The following KIAA0319 variants were observed in gnomAD, a reference collection of about 807,000 sequenced individuals.
The protein encoded by KIAA0319 is KIAA0319, also known as dyslexia-associated protein KIAA0319.
In KIAA0319, 83 loss-of-function variants were observed where a neutral mutation model predicts 108.4. The observed-to-expected ratio is 0.77, with a 90% CI of 0.64 to 0.92. The LOEUF (loss-of-function observed/expected upper bound fraction) is 0.92, where lower values mean the gene tolerates loss of function less well. Among genes scored for constraint, KIAA0319 ranks in the 40% least tolerant of loss-of-function variants. The pLI is 0.00. For synonymous variants in KIAA0319, 484 were observed against 510.4 expected (o/e 0.95, Z 0.70); for missense variants, 1,195 against 1,322.4 (o/e 0.90, Z 1.49).
intron 20 of KIAA0319, among the ~76,000 whole-genome samples, chr6:24,549,692 G>A (rs1329918391): frequency 6.6e-6 from 1 of 152,148 alleles, no homozygotes; most frequent in Non-Finnish European, 1.5e-5. Flanking sequence ...GTACCGCTAT[G>A]GGCAGGATTA....
At position 24,630,024 on chromosome 6, in the gene KIAA0319, C is replaced by T. The variant is rs938405213; in HGVS notation, c.-106+15712G>A. Reference sequence around the variant, plus strand: ...CGAAACCCCATCTCTACTAAAAATACAAAAATTAGCCGGGCATGGTGGCGC... The same window carrying T: ...CGAAACCCCATCTCTACTAAAAATATAAAAATTAGCCGGGCATGGTGGCGC... On this transcript the variant is annotated intron_variant, in intron 1 of 20. Coordinates refer to ENST00000378214, the MANE Select transcript of KIAA0319 (RefSeq NM_014809.4). 2.6e-5 allele frequency among the ~76,000 whole-genome samples: 4 copies of T among 151,966 alleles called. No homozygotes were observed. In the East Asian group the frequency reaches 7.7e-4, roughly 29 times the overall value.
intron 1 of KIAA0319, among the ~76,000 whole-genome samples, chr6:24,627,682 C>T (rs2127580435): frequency 6.6e-6 from 1 of 152,322 alleles, no homozygotes; most frequent in South Asian, 2.1e-4. Flanking sequence ...GAATTTACCT[C>T]AAGCACCAAA....
chr6:24,583,093 C>T, intron 5 of KIAA0319: 2 of 985,340 alleles, frequency 2.0e-6, no homozygotes, highest in East Asian at 2.3e-4. Context: ...GGCCACAGGT[C>T]CCAGGTCAAA....
At chr6:24,585,390 T>G (rs1258628704) in intron 4 of KIAA0319, among the ~76,000 whole-genome samples, 2 of 151,716 alleles carry the variant, frequency 1.3e-5, no homozygotes, top group Admixed American at 1.3e-4. Flanking sequence ...AGAAACTCCT[T>G]GTGGGCCTCA....
At chr6:24,547,985 A>C (rs577792216) in intron 20 of KIAA0319, among the ~76,000 whole-genome samples, 1 of 152,180 alleles carries the variant, frequency 6.6e-6, no homozygotes, top group Admixed American at 6.5e-5. Context: ...GTGAACTATG[A>C]TCGTGTTGCT....
intron 1 of KIAA0319, among the ~76,000 whole-genome samples, chr6:24,641,269 T>G (rs915002056): frequency 6.6e-6 from 1 of 152,244 alleles, no homozygotes; most frequent in African/African-American, 2.4e-5. Context: ...CATTCTATTG[T>G]GTATATTTAA....
rs547617603 is a variant in KIAA0319, at chr6:24,619,789, G to A, written c.-105-18581C>T. 2.6e-5 allele frequency among the ~76,000 whole-genome samples: 4 copies of A among 152,334 alleles called. No individual in the cohort carries two copies. In the East Asian group the frequency reaches 7.7e-4, roughly 29 times the overall value. Reference sequence around the variant, plus strand: ...TCTGCAGAGAGACCTTAAGGTGCAAGGGGGAGAAACTTAAAATAAAACAGT... The same window carrying A: ...TCTGCAGAGAGACCTTAAGGTGCAAAGGGGAGAAACTTAAAATAAAACAGT... On this transcript the variant is annotated intron_variant, in intron 1 of 20. Coordinates refer to ENST00000378214, the MANE Select transcript of KIAA0319 (RefSeq NM_014809.4).
chr6:24,627,627 C>T (rs753074781), intron 1 of KIAA0319, among the ~76,000 whole-genome samples: 14 of 152,174 alleles, frequency 9.2e-5, no homozygotes, highest in Non-Finnish European at 1.5e-4. Flanking sequence ...GAGCTGTGGC[C>T]CTAGCAGAAT....
intron 8 of KIAA0319, 91 bp downstream of exon 8, chr6:24,579,767 T>G: frequency 2.0e-6 from 2 of 981,290 alleles, no homozygotes. Context: ...TAACAGCCCA[T>G]AAGTCCTCCT....
rs183547081 is a variant in KIAA0319 at position 24,619,092 on chromosome 6, T to A, written c.-105-17884A>T. Reference sequence around the variant, plus strand: ...GTGTATTGCAGGAACAGCAAGAGGGTCAGCATCGCTAGAAAAGGGAAAGCA... The same window carrying A: ...GTGTATTGCAGGAACAGCAAGAGGGACAGCATCGCTAGAAAAGGGAAAGCA... On this transcript the variant is annotated intron_variant, in intron 1 of 20. Transcript: ENST00000378214. Among the ~76,000 whole-genome samples the A allele has an allele frequency of 1.3e-3, 205 of 151,986 alleles. 1 individual carries two copies. The highest frequency in any genetic ancestry group is 0.012 in the Admixed American group (178 of 15,272).
chr6:24,633,040 T>C (rs1775770612), intron 1 of KIAA0319, among the ~76,000 whole-genome samples: 1 of 152,060 alleles, frequency 6.6e-6, no homozygotes, highest in Non-Finnish European at 1.5e-5. Context: ...AGGAAGATAT[T>C]CCAAACCCTC....
intron 1 of KIAA0319, among the ~76,000 whole-genome samples, chr6:24,612,720 T>A (rs1772519923): frequency 6.6e-6 from 1 of 152,220 alleles, no homozygotes; most frequent in Admixed American, 6.5e-5. Flanking sequence ...AGAAAATGTA[T>A]AAAATATCTC....
intron 1 of KIAA0319, among the ~76,000 whole-genome samples, chr6:24,629,742 G>C (rs187779591): frequency 1.8e-4 from 27 of 152,212 alleles, no homozygotes; most frequent in East Asian, 9.7e-4. Flanking sequence ...TTTAATGAAG[G>C]AGATTAGTGT....
In KIAA0319 at chr6:24,551,393, C is replaced by T. The variant is rs757327624; in HGVS notation, c.3040+41G>A. 3 of 1,401,504 alleles carry T rather than the reference C, an allele frequency of 2.1e-6. No individual in the cohort carries two copies. In the South Asian group the frequency reaches 3.5e-5, roughly 16 times the overall value. 86.8% of individuals were successfully genotyped at this position (1,401,504 alleles called of 1,614,324 possible). ...GCCCTCAGGCCTACCTAGGTTAAAT[C>T]ATATAAAGGTGCCAGGCAGTCATTC... On this transcript the variant is annotated intron_variant, in intron 20 of 20. Transcript: ENST00000378214.
intron 19 of KIAA0319, among the ~76,000 whole-genome samples, chr6:24,553,010 G>C (rs1347178259): frequency 6.6e-6 from 1 of 151,930 alleles, no homozygotes; most frequent in African/African-American, 2.4e-5. Context: ...GTTGAGCATG[G>C]GGTTCTGGAA....
At chr6:24,579,484 CTCATA>C (rs1766112752) in intron 8 of KIAA0319, among the ~76,000 whole-genome samples, 1 of 143,746 alleles carries the variant, frequency 7.0e-6, no homozygotes, top group Non-Finnish European at 1.5e-5. Flanking sequence ...TCTTATATAT[CTCATA>C]TATCTTATAT....
chr6:24,575,630 A>G (rs1248501926), intron 10 of KIAA0319, among the ~76,000 whole-genome samples: 2 of 152,258 alleles, frequency 1.3e-5, no homozygotes, highest in African/African-American at 4.8e-5. Flanking sequence ...AAAGCAAAGC[A>G]GGTAAGTTTC....
At chr6:24,644,664 C>T (rs1156738137) in intron 1 of KIAA0319, among the ~76,000 whole-genome samples, 2 of 151,136 alleles carry the variant, frequency 1.3e-5, no homozygotes, top group South Asian at 2.1e-4. Context: ...TACATTCATA[C>T]ATTACCAAAG....
chr6:24,599,642 C>T lies in KIAA0319; in HGVS notation c.55+1407G>A. On this transcript the variant is annotated intron_variant, in intron 2 of 20. Transcript: ENST00000378214. The surrounding 1 kb of genome is among the most constrained non-coding windows in gnomAD (Gnocchi z 4.1). ...AGCTGAGCTCAGCCTATGGGGGCCT[C>T]AGCTACAGCCTGGGCTCCAGCTTTG... 1.6e-6 allele frequency: 1 copy of T among 624,176 alleles called. No homozygotes were observed. The highest frequency in any genetic ancestry group is 3.0e-6 in the Non-Finnish European group (1 of 336,786). The allele number at this position is 624,176 out of a possible 1,614,324, so 38.7% of individuals were successfully genotyped here.
Sources: allele counts gnomAD v4.1 joint callset (sites outside exome capture counted in the v4.1 genomes callset), GRCh38; gene constraint gnomAD v4.1.1; non-coding constraint Gnocchi (gnomAD v3.1); transcripts MANE v1.5; gene names NCBI Gene and HGNC (gene_info 2026-07-23, HGNC 2026-07-21).